Variants in SIPA1L1 observed in about 807,000 individuals in gnomAD.
SIPA1L1 encodes signal-induced proliferation-associated 1-like protein 1.
SIPA1L1 carries 26 observed loss-of-function variants against 162.7 expected under a neutral mutation model. The observed-to-expected ratio is 0.16, with a 90% confidence interval of 0.12 to 0.22. The LOEUF is 0.22. Among genes scored for constraint, SIPA1L1 ranks in the 10% least tolerant of loss-of-function variants. SIPA1L1 has a pLI of 1.00. For missense variants in SIPA1L1, 1,874 were observed against 2,241.0 expected (o/e 0.84, Z 3.31); for synonymous variants, 829 against 837.4 (o/e 0.99, Z 0.17).
chr14:71,381,433 G>A (rs185144667), intron 2 of SIPA1L1, among the ~76,000 whole-genome samples: 4 of 152,224 alleles, frequency 2.6e-5, no homozygotes, highest in Middle Eastern at 3.4e-3. Flanking sequence ...CTAGATTATA[G>A]AGGGAAAGAT....
At chr14:71,368,171 T>A (rs1194640405) in intron 2 of SIPA1L1, among the ~76,000 whole-genome samples, 1 of 148,568 alleles carries the variant, frequency 6.7e-6, no homozygotes, top group African/African-American at 2.5e-5. Flanking sequence ...TTTTTTTTTT[T>A]TATTATACTT....
intron 9 of SIPA1L1, 103 bp from the exon 10 acceptor site, chr14:71,661,207 C>A (rs532017255): frequency 1.7e-6 from 2 of 1,195,200 alleles, no homozygotes; most frequent in South Asian, 3.0e-5. Context: ...TTCATGTGTA[C>A]TGATTAGGAA....
At chr14:71,428,703 G>A (rs1390636051) in intron 2 of SIPA1L1, among the ~76,000 whole-genome samples, 7 of 152,182 alleles carry the variant, frequency 4.6e-5, no homozygotes, top group African/African-American at 1.7e-4. Flanking sequence ...AACAACAGTG[G>A]CCTCTTTGCA....
intron 15 of SIPA1L1, chr14:71,704,672 A>G: frequency 7.0e-7 from 1 of 1,423,778 alleles, no homozygotes; most frequent in African/African-American, 1.4e-5. Context: ...AAAAGGAAGC[A>G]ATTGTTTTAA....
At chr14:71,735,699 T>TTCC in intron 22 of SIPA1L1, 1 of 257,010 alleles carries the variant, frequency 3.9e-6, no homozygotes, top group East Asian at 9.1e-5. Flanking sequence ...ATTCCTGTGC[T>TTCC]CTGTGCTGTG....
At chr14:71,526,743 T>A (rs2052917641) in intron 3 of SIPA1L1, among the ~76,000 whole-genome samples, 1 of 152,234 alleles carries the variant, frequency 6.6e-6, no homozygotes, top group Non-Finnish European at 1.5e-5. Context: ...AAAAAAATCC[T>A]GATTCCTGCT....
intron 12 of SIPA1L1, among the ~76,000 whole-genome samples, chr14:71,678,103 TC>T (rs1337895734): frequency 1.3e-5 from 2 of 152,186 alleles, no homozygotes; most frequent in East Asian, 3.8e-4. Context: ...CAATTTGACT[TC>T]CTCTTTTCCT....
At chr14:71,736,310 T>A (rs2085286110) in intron 22 of SIPA1L1, among the ~76,000 whole-genome samples, 1 of 152,112 alleles carries the variant, frequency 6.6e-6, no homozygotes. Flanking sequence ...TGCATGAGAA[T>A]CACTTGAACC....
At chr14:71,425,516 T>A (rs1567007838) in intron 2 of SIPA1L1, among the ~76,000 whole-genome samples, 1 of 152,188 alleles carries the variant, frequency 6.6e-6, no homozygotes, top group Non-Finnish European at 1.5e-5. Flanking sequence ...TTTTGTGTTT[T>A]GTGGAAATAG....
intron 2 of SIPA1L1, among the ~76,000 whole-genome samples, chr14:71,373,628 C>T (rs2039099605): frequency 6.7e-6 from 1 of 149,460 alleles, no homozygotes; most frequent in African/African-American, 2.5e-5. Flanking sequence ...CTGGACTCCA[C>T]CTTGGGTGAC....
intron 13 of SIPA1L1, among the ~76,000 whole-genome samples, chr14:71,688,738 C>G (rs903061188): frequency 5.3e-5 from 8 of 152,164 alleles, no homozygotes; most frequent in African/African-American, 1.9e-4. Context: ...TAATTTGGAC[C>G]TTTCAGAGGA....
At chr14:71,714,472 G>C (rs2083112259) in intron 17 of SIPA1L1, among the ~76,000 whole-genome samples, 2 of 152,310 alleles carry the variant, frequency 1.3e-5, no homozygotes, top group Non-Finnish European at 2.9e-5. Flanking sequence ...AAAGGGCAGA[G>C]AGCCCATTCT....
At chr14:71,493,293 C>T (rs945525279) in intron 2 of SIPA1L1, among the ~76,000 whole-genome samples, 2 of 151,998 alleles carry the variant, frequency 1.3e-5, no homozygotes, top group South Asian at 2.1e-4. Context: ...GGGGTTTCAC[C>T]ATGTTACCCA....
chr14:71,343,523 TCGTG>T (rs568173027), intron 2 of SIPA1L1, among the ~76,000 whole-genome samples: 4 of 152,300 alleles, frequency 2.6e-5, no homozygotes, highest in Non-Finnish European at 5.9e-5. Context: ...ATATAAGACT[TCGTG>T]GAAAATTTGG....
chr14:71,467,904 C>T (rs373957611), intron 2 of SIPA1L1, among the ~76,000 whole-genome samples: 5 of 150,252 alleles, frequency 3.3e-5, no homozygotes, highest in Non-Finnish European at 7.4e-5. Flanking sequence ...CATTTACCAG[C>T]GTTGTGATCT....
intron 4 of SIPA1L1, among the ~76,000 whole-genome samples, chr14:71,571,460 C>T (rs200846339): frequency 2.0e-5 from 3 of 152,022 alleles, no homozygotes; most frequent in East Asian, 3.9e-4. Flanking sequence ...CAGTATTAAA[C>T]AGATGATCCT....
At chr14:71,668,311 A>G (rs2044209948) in intron 10 of SIPA1L1, among the ~76,000 whole-genome samples, 2 of 152,104 alleles carry the variant, frequency 1.3e-5, no homozygotes, top group African/African-American at 4.8e-5. Context: ...CTTGTCGTGG[A>G]GCACTCTCTT....
intron 19 of SIPA1L1, among the ~76,000 whole-genome samples, chr14:71,725,962 A>G (rs1169496848): frequency 2.6e-5 from 4 of 152,230 alleles, no homozygotes; most frequent in Non-Finnish European, 4.4e-5. Flanking sequence ...ATCAGAGTGC[A>G]AGAGGCATGG....
At chr14:71,427,528 CT>C (rs1271479277) in intron 2 of SIPA1L1, among the ~76,000 whole-genome samples, 1 of 152,080 alleles carries the variant, frequency 6.6e-6, no homozygotes, top group Non-Finnish European at 1.5e-5. Flanking sequence ...TTCTTGTCTC[CT>C]TTTGGAACTC....
Sources: gnomAD v4.1 joint callset for allele counts (sites outside exome capture counted in the v4.1 genomes callset) on GRCh38, gnomAD v4.1.1 for gene constraint, MANE v1.5 for transcripts, NCBI Gene and HGNC (gene_info 2026-07-23, HGNC 2026-07-21) for gene names.